The following CD3E variants were observed in gnomAD, a reference collection of about 807,000 sequenced individuals.
CD3E encodes the protein CD3 epsilon subunit of T-cell receptor complex.
CD3E carries 16 observed loss-of-function variants against 34.7 expected under a neutral mutation model. That is an observed-to-expected ratio of 0.46 (90% CI 0.31 to 0.70). The LOEUF (loss-of-function observed/expected upper bound fraction) is 0.70, where lower values mean the gene tolerates loss of function less well. Ranked by LOEUF, CD3E falls within the 30% of genes least tolerant of loss-of-function variation. The probability of loss-of-function intolerance (pLI) is 0.05; values close to 1 mark genes in which losing one functional copy is unlikely to be tolerated. For synonymous variants in CD3E, 70 were observed against 90.8 expected (o/e 0.77, Z 1.30); for missense variants, 223 against 253.9 (o/e 0.88, Z 0.83).
intron 4 of CD3E, among the ~76,000 whole-genome samples, chr11:118,308,841 T>C (rs1020781763): frequency 6.6e-6 from 1 of 152,186 alleles, no homozygotes; most frequent in African/African-American, 2.4e-5. Flanking sequence ...CTCAAGAAGC[T>C]GATGGTCTTG....
At chr11:118,314,587 T>A in intron 8 of CD3E, 93 bp downstream of exon 8, 1 of 1,174,254 alleles carries the variant, frequency 8.5e-7, no homozygotes, top group Non-Finnish European at 1.3e-6. Flanking sequence ...GTCTGCCAGA[T>A]GCCTCAAAGC....
chr11:118,310,854 C>T (rs1200843406), intron 4 of CD3E, among the ~76,000 whole-genome samples: 1 of 151,992 alleles, frequency 6.6e-6, no homozygotes, highest in Non-Finnish European at 1.5e-5. Context: ...TACTCAACTC[C>T]CAATTATAAG....
At chr11:118,307,507 A>G (rs1948113815) in intron 3 of CD3E, among the ~76,000 whole-genome samples, 199 bp downstream of exon 3, 2 of 152,214 alleles carry the variant, frequency 1.3e-5, no homozygotes, top group African/African-American at 4.8e-5. Flanking sequence ...AGAGGCAGGA[A>G]ATAATGAGTC....
At chr11:118,305,055 A>AAGCCTTC in intron 2 of CD3E, 54 bp downstream of exon 2, 1 of 1,494,776 alleles carries the variant, frequency 6.7e-7, no homozygotes, top group Non-Finnish European at 9.3e-7. Flanking sequence ...TGGAAGGCTT[A>AAGCCTTC]CAGCCTTACC....
chr11:118,315,337 T>C, intron 8 of CD3E, 149 bp from the exon 9 acceptor site: 1 of 683,196 alleles, frequency 1.5e-6, no homozygotes, highest in Non-Finnish European at 2.6e-6. Flanking sequence ...TCAAGTCTCC[T>C]ACCGTCCATG....
intron 6 of CD3E, chr11:118,313,142 A>G: frequency 2.0e-6 from 1 of 488,784 alleles, no homozygotes; most frequent in Non-Finnish European, 3.7e-6. Context: ...GCACCGCATC[A>G]CACCCAGGTT....
chr11:118,306,958 G>A (rs1336679611), intron 2 of CD3E, among the ~76,000 whole-genome samples: 2 of 152,200 alleles, frequency 1.3e-5, no homozygotes, highest in Admixed American at 1.3e-4. Context: ...CAAAATGGAG[G>A]CTTGGGGGCA....
chr11:118,312,129 G>A (rs1948138726), intron 4 of CD3E, 24 bp from the exon 5 acceptor site: 1 of 1,605,422 alleles, frequency 6.2e-7, no homozygotes. Context: ...TTTTCTTACT[G>A]CTGTTTCCTT....
chr11:118,314,620 C>A, intron 8 of CD3E, 126 bp downstream of exon 8: 1 of 831,684 alleles, frequency 1.2e-6, no homozygotes, highest in Non-Finnish European at 2.0e-6. Context: ...GCTTCCATTA[C>A]AACCCTCTAT....
At chr11:118,313,261 G>C (rs1948146465) in intron 6 of CD3E, 6 of 345,276 alleles carry the variant, frequency 1.7e-5, no homozygotes, top group South Asian at 1.6e-4. Flanking sequence ...ATAAGCTAAG[G>C]TATAATAATA....
In CD3E at chr11:118,315,498, G is replaced by A. The variant is rs141553540; in HGVS notation, c.580G>A (p.Gly194Ser). 3.4e-4 allele frequency: 552 copies of A among 1,613,276 alleles called. No homozygotes were observed. The highest frequency in any genetic ancestry group is 4.6e-4 in the Non-Finnish European group (539 of 1,179,850). ...PNPDYEPIRK[G>S]QRDLYSGLNQ... ...ATTTCACCCCCAGCCCATCCGGAAA[G>A]GCCAGCGGGACCTGTATTCTGGCCT... Residue 194 changes from glycine (G) to serine (S), a missense_variant, in exon 9 of 9, where the codon GGC becomes AGC. Transcript: ENST00000361763.
chr11:118,307,157 T>C (rs1012334168), intron 2 of CD3E, 131 bp from the exon 3 acceptor site: 1 of 707,568 alleles, frequency 1.4e-6, no homozygotes, highest in Non-Finnish European at 2.5e-6. Flanking sequence ...GAAATGGCTG[T>C]GACCCAGCAG....
Position 118,310,697 on chromosome 11 carries a change from T to C in CD3E, c.86-1456T>C, listed in dbSNP as rs533363524. Among the ~76,000 whole-genome samples the C allele has an allele frequency of 4.5e-4, 68 of 152,356 alleles. No individual in the cohort carries two copies. The South Asian group carries it at 0.013, about 30-fold the overall frequency. On this transcript the variant is annotated intron_variant, in intron 4 of 8. Coordinates refer to ENST00000361763, the MANE Select transcript of CD3E (RefSeq NM_000733.4). Reference sequence around the variant, plus strand: ...AATAAAAGTTGTGAGCAATTTTCTTTACATTTTTTTCAAACAAACACACCC... The same window carrying C: ...AATAAAAGTTGTGAGCAATTTTCTTCACATTTTTTTCAAACAAACACACCC...
chr11:118,306,401 G>T (rs918348304), intron 2 of CD3E, among the ~76,000 whole-genome samples: 1 of 151,930 alleles, frequency 6.6e-6, no homozygotes. Context: ...AGGCTGAGGT[G>T]GAAGGATCAC....
At chr11:118,305,060 C>T (rs1161100745) in intron 2 of CD3E, 59 bp downstream of exon 2, 9 of 1,458,062 alleles carry the variant, frequency 6.2e-6, no homozygotes, top group South Asian at 1.1e-5. Flanking sequence ...GGCTTACAGC[C>T]TTACCTGGCA....
At chr11:118,314,093 G>C (rs1381588013) in intron 7 of CD3E, among the ~76,000 whole-genome samples, 1 of 152,146 alleles carries the variant, frequency 6.6e-6, no homozygotes, top group African/African-American at 2.4e-5. Context: ...GTTTATGAAA[G>C]TGATGGGCTT....
chr11:118,307,250 C>T, intron 2 of CD3E, 38 bp from the exon 3 acceptor site: 1 of 1,565,556 alleles, frequency 6.4e-7, no homozygotes, highest in Admixed American at 1.7e-5. Context: ...GTACCCACAA[C>T]ATTTACTAAC....
At chr11:118,305,148 C>T in intron 2 of CD3E, 147 bp downstream of exon 2, 1 of 840,804 alleles carries the variant, frequency 1.2e-6, no homozygotes, top group Non-Finnish European at 2.0e-6. Flanking sequence ...GGGATTAGAG[C>T]TGGGGACTAA....
At chr11:118,305,064 C>CCTGG in intron 2 of CD3E, 63 bp downstream of exon 2, 3 of 1,402,148 alleles carry the variant, frequency 2.1e-6, no homozygotes, top group Non-Finnish European at 2.0e-6. Flanking sequence ...TACAGCCTTA[C>CCTGG]CTGGCACTGC....
Sources: gnomAD v4.1 joint callset for allele counts (sites outside exome capture counted in the v4.1 genomes callset) on GRCh38, gnomAD v4.1.1 for gene constraint, MANE v1.5 for transcripts, NCBI Gene and HGNC (gene_info 2026-07-23, HGNC 2026-07-21) for gene names.